KHDC4: variants seen among roughly 807,000 people sequenced by gnomAD.
KHDC4 encodes KH domain containing 4, pre-mRNA splicing factor, also known as KH homology domain-containing protein 4.
A neutral mutation model predicts 74.5 loss-of-function variants in KHDC4; 19 were observed. The ratio of observed to expected loss-of-function variants is 0.26; its 90% CI spans 0.18 to 0.37. KHDC4 has a LOEUF of 0.37. Ranked by LOEUF, KHDC4 falls within the 10% of genes least tolerant of loss-of-function variation. The pLI is 1.00. For missense variants in KHDC4, 632 were observed against 754.1 expected, an observed-to-expected ratio of 0.84 and a Z score of 1.90; for synonymous variants, 253 against 266.1, an observed-to-expected ratio of 0.95 and a Z score of 0.48.
chr1:155,919,061 G>A (rs745849360), intron 10 of KHDC4, among the ~76,000 whole-genome samples: 2 of 144,674 alleles, frequency 1.4e-5, no homozygotes, highest in Non-Finnish European at 3.0e-5. Flanking sequence ...TCTGACTCCT[G>A]GGTTCAAGCA....
intron 8 of KHDC4, 194 bp from the exon 9 acceptor site, chr1:155,922,112 A>C: frequency 2.7e-6 from 1 of 375,464 alleles, no homozygotes; most frequent in Non-Finnish European, 4.9e-6. Context: ...CCCAGGCTGG[A>C]GTGCAGTGGC....
intron 10 of KHDC4, among the ~76,000 whole-genome samples, chr1:155,918,713 C>T (rs1320983284): frequency 6.6e-6 from 1 of 151,842 alleles, no homozygotes; most frequent in Admixed American, 6.6e-5. Flanking sequence ...TATAATTTTA[C>T]AGGACAAGCA....
chr1:155,926,064 C>T (rs1380925694), intron 6 of KHDC4: 3 of 722,426 alleles, frequency 4.2e-6, no homozygotes, highest in Non-Finnish European at 5.1e-6. Context: ...CTTCATCAGA[C>T]TCAGCCTTCT....
At chr1:155,916,076 C>T in intron 12 of KHDC4, 112 bp from the exon 13 acceptor site, 1 of 727,730 alleles carries the variant, frequency 1.4e-6, no homozygotes, top group Non-Finnish European at 2.3e-6. Flanking sequence ...TTCATTTTAA[C>T]CATTAATTTC....
chr1:155,934,229 T>C, intron 1 of KHDC4, 107 bp downstream of exon 1: 1 of 1,205,302 alleles, frequency 8.3e-7, no homozygotes, highest in Non-Finnish European at 1.2e-6. Flanking sequence ...TCCAGCCCTT[T>C]ACTTCCCACT....
chr1:155,920,060 T>C, intron 10 of KHDC4: 1 of 486,298 alleles, frequency 2.1e-6, no homozygotes, highest in South Asian at 1.5e-5. Flanking sequence ...ATTAAGTCTC[T>C]CCCCTGCCTC....
At chr1:155,931,380 C>T (rs909056253) in intron 2 of KHDC4, among the ~76,000 whole-genome samples, 3 of 151,632 alleles carry the variant, frequency 2.0e-5, no homozygotes, top group African/African-American at 7.3e-5. Flanking sequence ...GTAATCCCAG[C>T]ACTTTGGGAG....
intron 4 of KHDC4, among the ~76,000 whole-genome samples, chr1:155,927,803 CAAAAAAAAAAAAAAAA>C (rs1157393289): frequency 3.7e-4 from 3 of 8,148 alleles, no homozygotes; most frequent in African/African-American, 1.2e-3. Context: ...ACTCTGTCTC[CAAAAAAAAAAAAAAAA>C]AAAAAAAAAA....
rs537668291 is a variant in KHDC4, at chr1:155,929,210, A to G, written c.464+86T>C. ...TCAAACCTTGAATCAAATATTGTGT[A>G]CACGTATTACCTAAGGATAAAAAAC... On this transcript the variant is annotated intron_variant, in intron 4 of 13. Transcript: ENST00000368321. 13 of 897,172 alleles carry G rather than the reference A, an allele frequency of 1.4e-5. No individual in the cohort carries two copies. In the East Asian group the frequency reaches 2.6e-4, roughly 18 times the overall value. The allele number at this position is 897,172 out of a possible 1,614,324, so 55.6% of individuals were successfully genotyped here.
intron 12 of KHDC4, 43 bp downstream of exon 12, chr1:155,916,578 GCAAA>G (rs761555189): frequency 5.7e-5 from 73 of 1,279,902 alleles, no homozygotes; most frequent in Non-Finnish European, 8.0e-5. Context: ...CACTAATGGT[GCAAA>G]CAAATAACAT....
At chr1:155,925,205 T>G (rs1161631773) in intron 7 of KHDC4, among the ~76,000 whole-genome samples, 1 of 151,744 alleles carries the variant, frequency 6.6e-6, no homozygotes, top group Non-Finnish European at 1.5e-5. Context: ...TTTTTTTGTT[T>G]TATTTTTAGT....
intron 3 of KHDC4, 86 bp downstream of exon 3, chr1:155,929,626 T>C: frequency 6.8e-7 from 1 of 1,461,942 alleles, no homozygotes; most frequent in Non-Finnish European, 9.3e-7. Context: ...AACCCACTAA[T>C]AAATATCTGA....
At chr1:155,932,515 C>T (rs1450901321) in intron 2 of KHDC4, 1 of 151,826 alleles carries the variant, frequency 6.6e-6, no homozygotes, top group Admixed American at 6.6e-5. Context: ...AGGTCAACTA[C>T]CTAAAGATTA....
At chr1:155,934,008 G>A (rs1163619508) in intron 1 of KHDC4, among the ~76,000 whole-genome samples, 159 bp from the exon 2 acceptor site, 2 of 151,950 alleles carry the variant, frequency 1.3e-5, no homozygotes, top group African/African-American at 4.8e-5. Context: ...AACAATTATT[G>A]CTTATTTAAC....
At chr1:155,921,728 T>C in intron 9 of KHDC4, 100 bp from the exon 10 acceptor site, 1 of 1,481,074 alleles carries the variant, frequency 6.8e-7, no homozygotes, top group South Asian at 1.3e-5. Context: ...TACTGAGGCA[T>C]GAATGGCTTT....
At position 155,931,325 on chromosome 1, in the gene KHDC4, G is replaced by GA. The variant is rs1674137729; in HGVS notation, c.256-1486dup. The stretch of plus-strand genomic sequence containing the variant: ...AAAAAAAAAGACAGAAAGACAGAAA[G>GA]AAAGAAAGAAAGAATGAACGAAGGA... On this transcript the variant is annotated intron_variant, in intron 2 of 13. Coordinates refer to ENST00000368321, the MANE Select transcript of KHDC4 (RefSeq NM_014949.4). 6.2e-5 allele frequency among the ~76,000 whole-genome samples: 9 copies of GA among 145,974 alleles called. No homozygotes were observed. In the South Asian group the frequency reaches 2.0e-3, roughly 32 times the overall value.
intron 4 of KHDC4, among the ~76,000 whole-genome samples, chr1:155,927,776 C>T (rs1330714943): frequency 8.4e-6 from 1 of 119,674 alleles, no homozygotes; most frequent in Non-Finnish European, 1.6e-5. Flanking sequence ...GCACACCAGC[C>T]GGGGCAACAG....
At chr1:155,918,138 G>A (rs1673774482) in intron 10 of KHDC4, among the ~76,000 whole-genome samples, 1 of 152,130 alleles carries the variant, frequency 6.6e-6, no homozygotes, top group South Asian at 2.1e-4. Flanking sequence ...AGGAATAAGG[G>A]GTATCAGAAG....
rs547964598 is a variant in KHDC4, at chr1:155,926,682, C to T, written c.675G>A (p.Gln225=). 3 of 1,614,116 alleles carry T rather than the reference C, an allele frequency of 1.9e-6. No individual in the cohort carries two copies. In the South Asian group the frequency reaches 3.3e-5, roughly 18 times the overall value. The change falls in exon 6 of 14, where the codon CAG becomes CAA. Residue 225 remains glutamine (Q), a synonymous_variant. Transcript: ENST00000368321. The part of the protein sequence containing the change: ...SPAVSQKPPF[Q]SGMHYVQDKL... ...ATCCCTCCCCAAAACATACCCCTGA[C>T]TGGAAGGGAGGCTTCTGGCTAACAG...
Sources: gnomAD v4.1 joint callset for allele counts (sites outside exome capture counted in the v4.1 genomes callset) on GRCh38, gnomAD v4.1.1 for gene constraint, MANE v1.5 for transcripts, NCBI Gene and HGNC (gene_info 2026-07-23, HGNC 2026-07-21) for gene names.